The following KIAA0930 variants were observed in gnomAD, a reference collection of about 807,000 sequenced individuals.
KIAA0930 encodes the protein uncharacterized protein KIAA0930.
Under a neutral mutation model 43.9 loss-of-function variants are expected in KIAA0930, and 24 were observed. That is an observed-to-expected ratio of 0.55 (90% confidence interval 0.40 to 0.77). The LOEUF (loss-of-function observed/expected upper bound fraction) is 0.77, where lower values mean the gene tolerates loss of function less well. Among genes scored for constraint, KIAA0930 ranks in the 30% least tolerant of loss-of-function variants. The pLI is 0.00. For synonymous variants in KIAA0930, 259 were observed against 216.4 expected, an observed-to-expected ratio of 1.20 and a Z score of -1.73; for missense variants, 461 against 574.2, an observed-to-expected ratio of 0.80 and a Z score of 2.02.
At chr22:45,235,044 G>A (rs938628401) in intron 1 of KIAA0930, among the ~76,000 whole-genome samples, 1 of 152,006 alleles carries the variant, frequency 6.6e-6, no homozygotes, top group African/African-American at 2.4e-5. Context: ...ATCTGAGGAT[G>A]TTAACAAGTC....
chr22:45,212,136 G>T lies in KIAA0930; in HGVS notation c.65-29C>A, dbSNP rs759782218. ...CAGAGGGAGGCCAGACAGGAGTGAG[G>T]AAGGACGGCCACCCTGGCCCTTGCA... On this transcript the variant is annotated intron_variant, in intron 1 of 9. Transcript: ENST00000336156. The T allele has an allele frequency of 5.6e-6, 9 of 1,613,726 alleles. No homozygotes were observed. In the South Asian group the frequency reaches 9.9e-5, roughly 18 times the overall value.
At chr22:45,236,498 G>C (rs1413481380) in intron 1 of KIAA0930, among the ~76,000 whole-genome samples, 1 of 152,078 alleles carries the variant, frequency 6.6e-6, no homozygotes, top group Non-Finnish European at 1.5e-5. Flanking sequence ...CATGGGCCAC[G>C]CTGGTGGCTC....
chr22:45,211,421 C>T (rs555920184), intron 2 of KIAA0930: 7 of 399,336 alleles, frequency 1.8e-5, no homozygotes, highest in Non-Finnish European at 3.1e-5. Flanking sequence ...TCCGAGCCCT[C>T]CGTTTCCTCA....
At chr22:45,237,254 C>T (rs12169636) in intron 1 of KIAA0930, among the ~76,000 whole-genome samples, 6,069 of 152,332 alleles carry the variant, frequency 0.04, 386 homozygotes, top group African/African-American at 0.14. Context: ...CGCAGCCCCA[C>T]TGCTTCCAGC....
intron 1 of KIAA0930, among the ~76,000 whole-genome samples, chr22:45,217,037 C>G (rs1275135975): frequency 1.3e-5 from 2 of 152,144 alleles, no homozygotes; most frequent in Non-Finnish European, 2.9e-5. Context: ...CAATTCATAA[C>G]CTTACTTTAT....
chr22:45,211,852 T>G, intron 2 of KIAA0930, 104 bp downstream of exon 2: 1 of 1,125,936 alleles, frequency 8.9e-7, no homozygotes, highest in Non-Finnish European at 1.3e-6. Context: ...TCACCCTCTT[T>G]GATATGCATG....
chr22:45,227,404 C>T (rs534499380), intron 1 of KIAA0930, among the ~76,000 whole-genome samples: 1 of 152,250 alleles, frequency 6.6e-6, no homozygotes, highest in South Asian at 2.1e-4. Flanking sequence ...CTGCCTCGTA[C>T]ACTATGCCAG....
intron 2 of KIAA0930, 45 bp downstream of exon 2, chr22:45,211,911 A>G (rs1569077122): frequency 1.9e-6 from 3 of 1,589,756 alleles, no homozygotes; most frequent in Non-Finnish European, 2.6e-6. Flanking sequence ...CACCACAGGG[A>G]TGCTTGGGGC....
At position 45,215,354 on chromosome 22, in the gene KIAA0930, G is replaced by C. The variant is rs1271797531; in HGVS notation, c.65-3247C>G. On this transcript the variant is annotated intron_variant, in intron 1 of 9. Coordinates refer to ENST00000336156, the MANE Select transcript of KIAA0930 (RefSeq NM_001009880.2). ...ATGCTGGCAAGGGTGCATTGAACTG[G>C]AACTCTCCGATATGCTAGAGAACAA... Among the ~76,000 whole-genome samples the C allele has an allele frequency of 2.0e-5, 3 of 152,204 alleles. No individual in the cohort carries two copies. In the East Asian group the frequency reaches 5.8e-4, roughly 29 times the overall value.
intron 1 of KIAA0930, among the ~76,000 whole-genome samples, chr22:45,236,716 C>A (rs1352645374): frequency 6.6e-6 from 1 of 152,188 alleles, no homozygotes; most frequent in Non-Finnish European, 1.5e-5. Flanking sequence ...CAGCTGGGGG[C>A]ACCTTACTTC....
chr22:45,209,886 G>A, intron 2 of KIAA0930, among the ~76,000 whole-genome samples: 1 of 152,140 alleles, frequency 6.6e-6, no homozygotes, highest in East Asian at 1.9e-4. Context: ...GATCCTGGAT[G>A]TGACCCCATC....
chr22:45,234,229 G>A (rs534114169), intron 1 of KIAA0930, among the ~76,000 whole-genome samples: 11 of 152,282 alleles, frequency 7.2e-5, no homozygotes, highest in Admixed American at 2.0e-4. Flanking sequence ...TGTGGGTGCC[G>A]TTGGGGAGCT....
At chr22:45,211,891 C>T (rs981600323) in intron 2 of KIAA0930, 65 bp downstream of exon 2, 10 of 1,528,224 alleles carry the variant, frequency 6.5e-6, no homozygotes, top group South Asian at 2.3e-5. Flanking sequence ...ACATGTACAC[C>T]GAGAGCAGAC....
At chr22:45,240,499 A>C (rs2083910291) in intron 1 of KIAA0930, 141 bp downstream of exon 1, 183 of 444,720 alleles carry the variant, frequency 4.1e-4, no homozygotes, top group East Asian at 7.8e-4. Context: ...GGAGGAAGAC[A>C]GGGTACCCAG....
At chr22:45,200,589 T>C (rs1348365943) in intron 7 of KIAA0930, among the ~76,000 whole-genome samples, 7 of 152,156 alleles carry the variant, frequency 4.6e-5, no homozygotes, top group Non-Finnish European at 7.4e-5. Context: ...ATCCCTCTCA[T>C]TCCCAGCACC....
intron 1 of KIAA0930, among the ~76,000 whole-genome samples, chr22:45,224,226 A>G (rs977660517): frequency 5.3e-5 from 8 of 152,250 alleles, no homozygotes. Flanking sequence ...AAAAATGCCT[A>G]GGAGGAAAGA....
rs2083549492 is a variant in KIAA0930 at position 45,197,673 on chromosome 22, C to A, written c.1174+117G>T. On this transcript the variant is annotated intron_variant, in intron 9 of 9. Coordinates refer to ENST00000336156, the MANE Select transcript of KIAA0930 (RefSeq NM_001009880.2). ...GAGGCCAAGAGCCCTGCAAAGAAAC[C>A]CAACCAACCGACAGGACAGGGCGGG... 24 of 1,123,660 alleles carry A rather than the reference C, an allele frequency of 2.1e-5. No individual in the cohort carries two copies. The South Asian group carries it at 3.3e-4, about 15-fold the overall frequency. 69.6% of individuals were successfully genotyped at this position (1,123,660 alleles called of 1,614,324 possible).
Position 45,203,837 on chromosome 22 carries a change from G to A in KIAA0930, c.657+8C>T, listed in dbSNP as rs372546443. 2.5e-5 allele frequency: 40 copies of A among 1,613,294 alleles called. No homozygotes were observed. Among genetic ancestry groups the A allele is most frequent in the Middle Eastern group, 3.3e-4 (2 of 6,080 alleles). On this transcript the variant is annotated splice_region_variant and intron_variant, in intron 6 of 9. Coordinates refer to ENST00000336156, the MANE Select transcript of KIAA0930 (RefSeq NM_001009880.2). ...AGAAGAACACCCGTGAGGCCGCCCCGCACTCACCCGGTTGTCATACACCTT... is the reference window on the plus strand; with the variant it reads ...AGAAGAACACCCGTGAGGCCGCCCCACACTCACCCGGTTGTCATACACCTT...
At chr22:45,226,469 C>T in intron 1 of KIAA0930, 3 of 382,876 alleles carry the variant, frequency 7.8e-6, no homozygotes, top group South Asian at 2.0e-5. Context: ...TCCCATAAAG[C>T]ATCCTTTATC....
Sources: gnomAD v4.1 joint callset for allele counts (sites outside exome capture counted in the v4.1 genomes callset) on GRCh38, gnomAD v4.1.1 for gene constraint, MANE v1.5 for transcripts, NCBI Gene and HGNC (gene_info 2026-07-23, HGNC 2026-07-21) for gene names.